GRM7: variants seen among roughly 807,000 people sequenced by gnomAD.
The protein encoded by GRM7 is metabotropic glutamate receptor 7.
In GRM7, 35 loss-of-function variants were observed where a neutral mutation model predicts 84.5. The ratio of observed to expected loss-of-function variants is 0.41; its 90% confidence interval spans 0.32 to 0.55. The LOEUF (loss-of-function observed/expected upper bound fraction) is 0.55, where lower values mean the gene tolerates loss of function less well. Ranked by LOEUF, GRM7 falls within the 20% of genes least tolerant of loss-of-function variation. The pLI is 0.19. For synonymous variants in GRM7, 487 were observed against 455.1 expected (o/e 1.07, Z -0.89); for missense variants, 1,003 against 1,194.6 (o/e 0.84, Z 2.36).
intron 2 of GRM7, among the ~76,000 whole-genome samples, chr3:7,293,552 C>T (rs866203515): frequency 2.2e-4 from 34 of 152,192 alleles, no homozygotes; most frequent in African/African-American, 8.0e-4. Context: ...GTTCTCCCTA[C>T]TTGTTCGCTC....
chr3:6,958,754 A>G (rs1693174014), intron 1 of GRM7, among the ~76,000 whole-genome samples: 1 of 152,186 alleles, frequency 6.6e-6, no homozygotes, highest in African/African-American at 2.4e-5. Context: ...TTGGATTATA[A>G]GAGAGTCCTT....
At chr3:7,393,141 C>G (rs1056871703) in intron 4 of GRM7, among the ~76,000 whole-genome samples, 1 of 152,140 alleles carries the variant, frequency 6.6e-6, no homozygotes, top group East Asian at 1.9e-4. Context: ...AGAAATGTAG[C>G]AAGTACCCTC....
intron 8 of GRM7, among the ~76,000 whole-genome samples, chr3:7,673,629 A>C (rs1700017676): frequency 6.6e-6 from 1 of 152,212 alleles, no homozygotes; most frequent in Admixed American, 6.5e-5. Context: ...TTACCTGATA[A>C]AAAGTGACCT....
At chr3:7,365,103 C>A (rs970376416) in intron 4 of GRM7, among the ~76,000 whole-genome samples, 3 of 151,834 alleles carry the variant, frequency 2.0e-5, no homozygotes, top group Non-Finnish European at 4.4e-5. Context: ...TACTTTCCCA[C>A]AGTTTTCTGG....
At chr3:7,477,038 T>C (rs1698948569) in intron 7 of GRM7, among the ~76,000 whole-genome samples, 1 of 152,208 alleles carries the variant, frequency 6.6e-6, no homozygotes, top group Admixed American at 6.5e-5. Context: ...GAGCACTGTC[T>C]CTTCCAGGGC....
intron 9 of GRM7, among the ~76,000 whole-genome samples, chr3:7,695,970 T>C (rs1701000528): frequency 6.6e-6 from 1 of 152,160 alleles, no homozygotes; most frequent in African/African-American, 2.4e-5. Context: ...ACTAGTTAGA[T>C]TTCAGGTTCT....
At chr3:6,997,283 G>A (rs1007166884) in intron 1 of GRM7, among the ~76,000 whole-genome samples, 3 of 151,890 alleles carry the variant, frequency 2.0e-5, no homozygotes, top group African/African-American at 7.3e-5. Flanking sequence ...AGAAACTTCG[G>A]CTTAATATTT....
intron 2 of GRM7, among the ~76,000 whole-genome samples, chr3:7,297,355 C>G (rs1699849534): frequency 6.6e-6 from 1 of 152,060 alleles, no homozygotes; most frequent in African/African-American, 2.4e-5. Flanking sequence ...TGAGAAAATA[C>G]TTTATATTAT....
intron 2 of GRM7, among the ~76,000 whole-genome samples, chr3:7,298,123 A>G (rs2125020592): frequency 6.6e-6 from 1 of 152,148 alleles, no homozygotes; most frequent in Non-Finnish European, 1.5e-5. Flanking sequence ...TTAGGCACAT[A>G]GTATGTTGTC....
At chr3:7,686,686 A>G (rs1700598532) in intron 9 of GRM7, among the ~76,000 whole-genome samples, 1 of 152,204 alleles carries the variant, frequency 6.6e-6, no homozygotes, top group Non-Finnish European at 1.5e-5. Flanking sequence ...CTGAACAGCT[A>G]GCCAGTAATT....
intron 7 of GRM7, among the ~76,000 whole-genome samples, chr3:7,508,054 C>G (rs1700089382): frequency 6.6e-6 from 1 of 152,140 alleles, no homozygotes; most frequent in African/African-American, 2.4e-5. Context: ...GAATTAAAAA[C>G]TAAAGTCACA....
intron 8 of GRM7, among the ~76,000 whole-genome samples, chr3:7,596,943 A>C (rs1696074400): frequency 6.6e-6 from 1 of 152,200 alleles, no homozygotes; most frequent in Non-Finnish European, 1.5e-5. Flanking sequence ...GAAACTTAAA[A>C]GTTCAGAAGA....
intron 9 of GRM7, among the ~76,000 whole-genome samples, chr3:7,688,575 C>G (rs989084119): frequency 2.0e-5 from 3 of 152,078 alleles, no homozygotes; most frequent in Admixed American, 6.6e-5. Flanking sequence ...TACATTAACT[C>G]AAGGAACACG....
intron 9 of GRM7, among the ~76,000 whole-genome samples, chr3:7,702,554 G>C (rs1002019547): frequency 1.3e-5 from 2 of 152,104 alleles, no homozygotes; most frequent in Non-Finnish European, 2.9e-5. Flanking sequence ...CAATTCAATT[G>C]GCTATTGTTA....
chr3:7,727,016 T>A (rs1298266254), intron 9 of GRM7, among the ~76,000 whole-genome samples: 1 of 152,066 alleles, frequency 6.6e-6, no homozygotes, highest in African/African-American at 2.4e-5. Flanking sequence ...TCTTATGGCT[T>A]TTAAAATTTT....
chr3:7,582,931 C>T (rs17047662), intron 8 of GRM7, among the ~76,000 whole-genome samples: 8 of 152,252 alleles, frequency 5.3e-5, no homozygotes, highest in Middle Eastern at 3.4e-3. Context: ...CCAGTGGACA[C>T]GATGCCAACC....
intron 2 of GRM7, among the ~76,000 whole-genome samples, chr3:7,251,146 G>A (rs1299518069): frequency 6.6e-6 from 1 of 152,156 alleles, no homozygotes; most frequent in Non-Finnish European, 1.5e-5. Context: ...GACATAAGGT[G>A]AATGAATATT....
chr3:7,219,547 C>G lies in GRM7; in HGVS notation c.736+72879C>G, dbSNP rs76393344. Among the ~76,000 whole-genome samples the G allele has an allele frequency of 1.7e-3, 265 of 152,238 alleles. 6 individuals carry two copies. The East Asian group carries it at 0.043, about 25-fold the overall frequency. ...GAGTTTACAGGTAAGTAATGGGAGG[C>G]ACCTTCATGATCTATGTGGTTATGG... On this transcript the variant is annotated intron_variant, in intron 2 of 9. Transcript: ENST00000357716.
chr3:7,363,412 T>C lies in GRM7; in HGVS notation c.1034-51611T>C, dbSNP rs143003113. ...AAATCTATGTTATTTACCATTTGAA[T>C]CAGCATTACCAAAAGAGCAGGTCAT... On this transcript the variant is annotated intron_variant, in intron 4 of 9. Coordinates refer to ENST00000357716, the MANE Select transcript of GRM7 (RefSeq NM_000844.4). Among the ~76,000 whole-genome samples the C allele has an allele frequency of 5.6e-4, 85 of 152,168 alleles. 3 individuals carry two copies. The highest frequency in any genetic ancestry group is 2.0e-3 in the African/African-American group (83 of 41,554).
Sources: allele counts gnomAD v4.1 joint callset (sites outside exome capture counted in the v4.1 genomes callset), GRCh38; gene constraint gnomAD v4.1.1; transcripts MANE v1.5; gene names NCBI Gene and HGNC (gene_info 2026-07-23, HGNC 2026-07-21).